Variants in PSD4 observed in about 807,000 individuals in gnomAD.
PSD4 encodes pleckstrin and Sec7 domain containing 4.
A neutral mutation model predicts 112.5 loss-of-function variants in PSD4; 59 were observed. That is an observed-to-expected ratio of 0.52 (90% CI 0.43 to 0.65). PSD4 has a LOEUF of 0.65. PSD4 is among the 30% of genes least tolerant of loss of function. The pLI is 0.00. For missense variants in PSD4, 1,267 were observed against 1,352.6 expected (o/e 0.94, Z 0.99); for synonymous variants, 533 against 540.0 (o/e 0.99, Z 0.18).
intron 1 of PSD4, among the ~76,000 whole-genome samples, chr2:113,179,692 T>C (rs1428101726): frequency 6.6e-6 from 1 of 152,194 alleles, no homozygotes; most frequent in Non-Finnish European, 1.5e-5. Flanking sequence ...ACCCAGCCCC[T>C]ATTCAAGATG....
chr2:113,195,672 C>T (rs1369722106), intron 10 of PSD4, 55 bp from the exon 11 acceptor site: 20 of 1,606,560 alleles, frequency 1.2e-5, no homozygotes, highest in Non-Finnish European at 1.6e-5. Context: ...GACAAAGAGA[C>T]TTTAGGCTCC....
chr2:113,182,085 T>C (rs1688151042), intron 1 of PSD4, among the ~76,000 whole-genome samples: 1 of 152,234 alleles, frequency 6.6e-6, no homozygotes, highest in African/African-American at 2.4e-5. Flanking sequence ...GTTTGTTCTT[T>C]TCAGCTAAGC....
At chr2:113,178,685 C>T (rs897736291) in intron 1 of PSD4, among the ~76,000 whole-genome samples, 9 of 152,090 alleles carry the variant, frequency 5.9e-5, no homozygotes, top group Middle Eastern at 3.2e-3. Flanking sequence ...GGCACGGGAA[C>T]GTTTCTTGCC....
chr2:113,189,646 G>A (rs952486653), intron 5 of PSD4, among the ~76,000 whole-genome samples: 21 of 152,112 alleles, frequency 1.4e-4, no homozygotes, highest in African/African-American at 3.1e-4. Flanking sequence ...GTGTAGAAGC[G>A]TTCCCTATTG....
At chr2:113,194,563 G>C (rs1688544598) in intron 10 of PSD4, among the ~76,000 whole-genome samples, 1 of 152,200 alleles carries the variant, frequency 6.6e-6, no homozygotes, top group Non-Finnish European at 1.5e-5. Context: ...TCACTATTGT[G>C]TGAACATTAT....
In PSD4 at chr2:113,201,395, C is replaced by T. The variant is rs144793297; in HGVS notation, c.3151C>T (p.Arg1051Trp). Residue 1051 changes from arginine to tryptophan, a missense_variant, in exon 17 of 17, where the codon CGG becomes TGG. By Grantham distance (101) the Arg-to-Trp change is moderately radical (BLOSUM62 -3). Around this residue, in one of 2 missense-constraint regions of PSD4, gnomAD observed 544 missense variants for 648.6 expected, o/e 0.84. Transcript: ENST00000245796. ...AACCTACCGGAAGATCATCCCTAAG[C>T]GGAACCGCAATCAGCTGTGAAGCCA... Reference protein sequence around the residue: ...RRTYRKIIPKRNRNQL With the variant: ...RRTYRKIIPKWNRNQL 96 of 1,613,994 alleles carry T rather than the reference C, an allele frequency of 5.9e-5. No individual in the cohort carries two copies. The East Asian group carries it at 1.1e-3, about 19-fold the overall frequency.
chr2:113,177,180 G>C (rs1044234409), intron 1 of PSD4, among the ~76,000 whole-genome samples: 1 of 152,242 alleles, frequency 6.6e-6, no homozygotes, highest in South Asian at 2.1e-4. Context: ...TGGAGCACTG[G>C]ACTTCCTGGA....
Position 113,207,496 on chromosome 2 carries a change from G to T in PSD4, c.*6081G>T, listed in dbSNP as rs968774314. The T allele has an allele frequency of 3.7e-5, 5 of 135,056 alleles. No homozygotes were observed. Among genetic ancestry groups the T allele is most frequent in the South Asian group, 2.3e-4 (1 of 4,302 alleles). 8.4% of individuals were successfully genotyped at this position (135,056 alleles called of 1,614,324 possible). On this transcript the variant is annotated 3_prime_UTR_variant, in exon 17 of 17. Coordinates refer to ENST00000245796, the MANE Select transcript of PSD4 (RefSeq NM_012455.3). ...TTTTGAGATGGAGTCTTGCTCGGTC[G>T]CCCAGGCTGGAGTGCGGTGGCATGA...
chr2:113,204,812 G>A lies in PSD4; in HGVS notation c.*3397G>A, dbSNP rs575055575. 6.6e-5 allele frequency: 10 copies of A among 152,238 alleles called. No individual in the cohort carries two copies. The highest frequency in any genetic ancestry group is 3.4e-3 in the Middle Eastern group (1 of 298). The allele number at this position is 152,238 out of a possible 1,614,324, so 9.4% of individuals were successfully genotyped here. Reference sequence around the variant, plus strand: ...AGGAGGGTCTGAGTCTTCAGGAGACGGAGACATATGGAATGTGTCGGGGTT... The same window carrying A: ...AGGAGGGTCTGAGTCTTCAGGAGACAGAGACATATGGAATGTGTCGGGGTT... On this transcript the variant is annotated 3_prime_UTR_variant, in exon 17 of 17. Transcript: ENST00000245796.
chr2:113,193,184 C>T (rs963244759), intron 7 of PSD4, 56 bp downstream of exon 7: 2 of 1,601,490 alleles, frequency 1.2e-6, no homozygotes, highest in South Asian at 2.2e-5. Context: ...GGGGCAGTGG[C>T]ACCAGCCTGA....
In PSD4 at chr2:113,193,394, G is replaced by A. The variant is rs45494399; in HGVS notation, c.2032+24G>A. ...AGGTAGGGAGGGGCTGGCCCTGACA[G>A]CAAAGCAGGGAAACTTTGGGGTGCC... On this transcript the variant is annotated intron_variant, in intron 8 of 16. Transcript: ENST00000245796. 10,968 of 1,603,242 alleles carry A rather than the reference G, an allele frequency of 6.8e-3. 56 individuals carry two copies. Among genetic ancestry groups the A allele is most frequent in the Middle Eastern group, 0.038 (230 of 6,000 alleles).
chr2:113,197,630 T>C lies in PSD4; in HGVS notation c.2453T>C (p.Leu818Pro). The change falls in exon 13 of 17, where the codon CTG becomes CCG. Residue 818 changes from leucine (L) to proline (P), a missense_variant. This residue lies in a region of PSD4 where 544 missense variants were observed against 648.6 expected (regional missense o/e 0.84). Transcript: ENST00000245796. Reference sequence around the variant, plus strand: ...CTGCGAGGGATGGTTCTCTACTTCCTGAAGGTAGGAAAGGAGCCAACACCC... The same window carrying C: ...CTGCGAGGGATGGTTCTCTACTTCCCGAAGGTAGGAAAGGAGCCAACACCC... ...TLLRGMVLYF[L>P]KQGEDHCLEG... The C allele has an allele frequency of 1.2e-6, 2 of 1,614,218 alleles. No homozygotes were observed. The highest frequency in any genetic ancestry group is 1.1e-5 in the South Asian group (1 of 91,082).
Position 113,182,371 on chromosome 2 carries a change from C to T in PSD4, c.-86C>T, listed in dbSNP as rs1688160561. On this transcript the variant is annotated 5_prime_UTR_variant, in exon 2 of 17. The change creates a premature stop within an existing upstream ORF in the 5' untranslated region. Coordinates refer to ENST00000245796, the MANE Select transcript of PSD4 (RefSeq NM_012455.3). Reference sequence around the variant, plus strand: ...GGTAGATATGGATTCCCAGTTTCTCCAGCGGCCAGTGCTCCCCCTAGTCCA... The same window carrying T: ...GGTAGATATGGATTCCCAGTTTCTCTAGCGGCCAGTGCTCCCCCTAGTCCA... The T allele has an allele frequency of 2.3e-6, 3 of 1,296,586 alleles. No homozygotes were observed. The highest frequency in any genetic ancestry group is 3.2e-6 in the Non-Finnish European group (3 of 935,394). The allele number at this position is 1,296,586 out of a possible 1,614,324, so 80.3% of individuals were successfully genotyped here.
chr2:113,200,536 C>T (rs1003481816), intron 16 of PSD4, among the ~76,000 whole-genome samples: 1 of 152,178 alleles, frequency 6.6e-6, no homozygotes, highest in Non-Finnish European at 1.5e-5. Flanking sequence ...GCTGTGAGGA[C>T]CCAACCTCTT....
intron 1 of PSD4, among the ~76,000 whole-genome samples, chr2:113,174,545 G>A (rs1020479007): frequency 7.9e-5 from 12 of 152,264 alleles, no homozygotes; most frequent in Admixed American, 3.9e-4. Flanking sequence ...GGTTTGGGGT[G>A]GGGGTGGCTC....
intron 8 of PSD4, 30 bp downstream of exon 8, chr2:113,193,400 C>G (rs752829024): frequency 1.2e-6 from 2 of 1,601,708 alleles, no homozygotes; most frequent in Non-Finnish European, 1.7e-6. Context: ...GACAGCAAAG[C>G]AGGGAAACTT....
chr2:113,189,654 T>C (rs1309824672), intron 5 of PSD4, among the ~76,000 whole-genome samples: 1 of 152,218 alleles, frequency 6.6e-6, no homozygotes, highest in Non-Finnish European at 1.5e-5. Context: ...GCGTTCCCTA[T>C]TGACCTCATC....
In PSD4 at chr2:113,185,309, C is replaced by T. The variant is rs1418915131; in HGVS notation, c.1174-56C>T. The T allele has an allele frequency of 3.7e-6, 6 of 1,605,474 alleles. No individual in the cohort carries two copies. The Admixed American group carries it at 5.0e-5, about 13-fold the overall frequency. On this transcript the variant is annotated intron_variant, in intron 3 of 16. Transcript: ENST00000245796. ...CCTTCTCCCTGCCTGGCCTCTCCCCCATCCACCTCTCTGTGTATCCAGGGC... is the reference window on the plus strand; with the variant it reads ...CCTTCTCCCTGCCTGGCCTCTCCCCTATCCACCTCTCTGTGTATCCAGGGC...
Position 113,196,197 on chromosome 2 carries a change from C to T in PSD4, c.2276C>T (p.Ala759Val), listed in dbSNP as rs948883331. The change falls in exon 12 of 17, where the codon GCT (alanine) becomes GTT (valine). Residue 759 changes from alanine (A) to valine (V), a missense_variant. Ala to Val is a moderately conservative substitution (Grantham distance 64, BLOSUM62 0). Coordinates refer to ENST00000245796, the MANE Select transcript of PSD4 (RefSeq NM_012455.3). ...RPEKAQPSLP[A>V]GKMSKPFLQL... ...GAGAAGGCCCAGCCGTCCCTGCCAGCTGGCAAGATGAGCAAGCCCTTCCTT... is the reference window on the plus strand; with the variant it reads ...GAGAAGGCCCAGCCGTCCCTGCCAGTTGGCAAGATGAGCAAGCCCTTCCTT... 1.2e-6 allele frequency: 2 copies of T among 1,613,928 alleles called. No individual in the cohort carries two copies. Among genetic ancestry groups the T allele is most frequent in the Non-Finnish European group, 8.5e-7 (1 of 1,179,778 alleles).
Sources: allele counts gnomAD v4.1 joint callset (sites outside exome capture counted in the v4.1 genomes callset), GRCh38; gene constraint gnomAD v4.1.1; regional missense constraint gnomAD v4.1.1; transcripts MANE v1.5; gene names NCBI Gene and HGNC (gene_info 2026-07-23, HGNC 2026-07-21).